Variants in C1QTNF3 observed in about 807,000 individuals in gnomAD.
The protein encoded by C1QTNF3 is complement C1q tumor necrosis factor-related protein 3.
A neutral mutation model predicts 32.6 loss-of-function variants in C1QTNF3; 26 were observed. The observed-to-expected ratio is 0.80, with a 90% CI of 0.58 to 1.11. The LOEUF is 1.11. Ranked by LOEUF, C1QTNF3 falls within the 50% of genes least tolerant of loss-of-function variation. The pLI, the probability that C1QTNF3 is intolerant of heterozygous loss-of-function variation, is 0.00. For missense variants in C1QTNF3, 362 were observed against 398.2 expected, an observed-to-expected ratio of 0.91 and a Z score of 0.77; for synonymous variants, 155 against 146.0, an observed-to-expected ratio of 1.06 and a Z score of -0.44.
chr5:34,168,753 C>T, the C1QTNF3 span: 1 of 152,148 alleles, frequency 6.6e-6, no homozygotes, highest in Admixed American at 6.6e-5. Flanking sequence ...GAAGCAGTCT[C>T]ATCACAGTTA....
chr5:34,045,238 T>C (rs114578447), upstream of C1QTNF3, among the ~76,000 whole-genome samples: 687 of 152,308 alleles, frequency 4.5e-3, 6 homozygotes, highest in African/African-American at 0.016. Flanking sequence ...TTCTACCGCA[T>C]TGAGACTTTC....
chr5:34,150,267 A>G, the C1QTNF3 span, among the ~76,000 whole-genome samples: 1 of 84,178 alleles, frequency 1.2e-5, no homozygotes, highest in African/African-American at 5.6e-5. Context: ...GGGAGACTTT[A>G]ACACCCCACT....
chr5:34,074,440 G>C, the C1QTNF3 span, among the ~76,000 whole-genome samples: 1 of 151,452 alleles, frequency 6.6e-6, no homozygotes, highest in Non-Finnish European at 1.5e-5. Flanking sequence ...CTCTACATCG[G>C]CTAATATAAG....
At chr5:34,114,682 TCA>T in the C1QTNF3 span, among the ~76,000 whole-genome samples, 2 of 152,188 alleles carry the variant, frequency 1.3e-5, no homozygotes, top group East Asian at 3.8e-4. Context: ...TTTCAAATGC[TCA>T]GTTTTATACT....
the C1QTNF3 span, among the ~76,000 whole-genome samples, chr5:34,118,844 C>G: frequency 6.6e-6 from 1 of 152,008 alleles, no homozygotes; most frequent in African/African-American, 2.4e-5. Flanking sequence ...AGGTTACAAT[C>G]GCTTTATCAT....
At chr5:34,170,739 T>C in the C1QTNF3 span, among the ~76,000 whole-genome samples, 3 of 152,162 alleles carry the variant, frequency 2.0e-5, no homozygotes, top group Non-Finnish European at 4.4e-5. Flanking sequence ...AACATCTCTC[T>C]CCTTAAATTC....
At chr5:34,117,977 A>G in the C1QTNF3 span, among the ~76,000 whole-genome samples, 9 of 152,344 alleles carry the variant, frequency 5.9e-5, no homozygotes, top group Admixed American at 5.9e-4. Context: ...AGAAATATCA[A>G]TTATACTTCA....
the C1QTNF3 span, among the ~76,000 whole-genome samples, chr5:34,069,196 T>C: frequency 8.2e-5 from 12 of 146,360 alleles, no homozygotes; most frequent in Non-Finnish European, 7.5e-5. Flanking sequence ...CATCGATCAA[T>C]ATTTCATTCA....
the C1QTNF3 span, among the ~76,000 whole-genome samples, chr5:34,197,641 T>C: frequency 1.3e-5 from 2 of 152,094 alleles, no homozygotes; most frequent in Non-Finnish European, 2.9e-5. Flanking sequence ...TGACTCGAAG[T>C]CTCTCATGAG....
At chr5:34,205,640 G>A in the C1QTNF3 span, among the ~76,000 whole-genome samples, 1 of 151,966 alleles carries the variant, frequency 6.6e-6, no homozygotes, top group Non-Finnish European at 1.5e-5. Flanking sequence ...GTGGAACTGT[G>A]AGGCAATTAA....
chr5:34,130,150 CAT>C, the C1QTNF3 span, among the ~76,000 whole-genome samples: 2,987 of 150,638 alleles, frequency 0.02, 35 homozygotes, highest in Non-Finnish European at 0.033. Context: ...CACACACACA[CAT>C]ACATACATAT....
chr5:34,042,681 G>C, intron 1 of C1QTNF3, 142 bp downstream of exon 1: 1 of 787,760 alleles, frequency 1.3e-6, no homozygotes, highest in African/African-American at 1.7e-5. Context: ...AATCCAGAAA[G>C]AGATTCACAA....
At chr5:34,195,710 G>A in the C1QTNF3 span, among the ~76,000 whole-genome samples, 7 of 151,538 alleles carry the variant, frequency 4.6e-5, no homozygotes, top group South Asian at 2.1e-4. Context: ...GCGCAGTGGC[G>A]GGCGCCTTAG....
At chr5:34,118,549 G>A in the C1QTNF3 span, among the ~76,000 whole-genome samples, 7 of 152,038 alleles carry the variant, frequency 4.6e-5, no homozygotes, top group East Asian at 1.4e-3. Context: ...TTGTACATAA[G>A]ATCTTTGCTG....
chr5:34,175,048 C>CTT, the C1QTNF3 span, among the ~76,000 whole-genome samples: 1 of 136,528 alleles, frequency 7.3e-6, no homozygotes. Context: ...TGCCCAGCTC[C>CTT]TTTTTTTTTT....
chr5:34,019,571 G>A lies in C1QTNF3; in HGVS notation c.*1012C>T, dbSNP rs553848392. The A allele has an allele frequency of 6.6e-6, 1 of 152,306 alleles. No homozygotes were observed. The highest frequency in any genetic ancestry group is 2.1e-4 in the South Asian group (1 of 4,826). 9.4% of individuals were successfully genotyped at this position (152,306 alleles called of 1,614,324 possible). ...TTCTGAAGTCATATGACCCTGCTGTGTGCCCAAGTCACCTATTCACATGGC... is the reference window on the plus strand; with the variant it reads ...TTCTGAAGTCATATGACCCTGCTGTATGCCCAAGTCACCTATTCACATGGC... On this transcript the variant is annotated 3_prime_UTR_variant, in exon 6 of 6. Transcript: ENST00000382065.
At chr5:34,050,438 T>G in the C1QTNF3 span, among the ~76,000 whole-genome samples, 1 of 152,244 alleles carries the variant, frequency 6.6e-6, no homozygotes, top group East Asian at 1.9e-4. Context: ...ATCACCACTA[T>G]AGCAGACACT....
At chr5:34,180,428 GA>G in the C1QTNF3 span, among the ~76,000 whole-genome samples, 451 of 151,506 alleles carry the variant, frequency 3.0e-3, no homozygotes, top group African/African-American at 0.011. Flanking sequence ...GAGAGGGGAG[GA>G]TCGCTTAAGC....
At chr5:34,212,999 C>T in the C1QTNF3 span, among the ~76,000 whole-genome samples, 1 of 152,136 alleles carries the variant, frequency 6.6e-6, no homozygotes, top group Non-Finnish European at 1.5e-5. Context: ...ATTCATTAGA[C>T]TTTTAAAATC....
Sources: allele counts gnomAD v4.1 joint callset (sites outside exome capture counted in the v4.1 genomes callset), GRCh38; gene constraint gnomAD v4.1.1; transcripts MANE v1.5; gene names NCBI Gene and HGNC (gene_info 2026-07-23, HGNC 2026-07-21).